DGKH: variants seen among roughly 807,000 people sequenced by gnomAD.
DGKH encodes diacylglycerol kinase eta, also known as DAG kinase eta.
Under a neutral mutation model 159.3 loss-of-function variants are expected in DGKH, and 90 were observed. The ratio of observed to expected loss-of-function variants is 0.57; its 90% CI spans 0.48 to 0.67. DGKH has a LOEUF of 0.67. Ranked by LOEUF, DGKH falls within the 30% of genes least tolerant of loss-of-function variation. DGKH has a pLI of 0.00. For synonymous variants in DGKH, 536 were observed against 553.8 expected (o/e 0.97, Z 0.45); for missense variants, 1,181 against 1,506.1 (o/e 0.78, Z 3.57).
At chr13:42,194,861 T>C (rs754678425) in intron 16 of DGKH, 24 bp from the exon 17 acceptor site, 1 of 1,603,060 alleles carries the variant, frequency 6.2e-7, no homozygotes, top group Non-Finnish European at 8.5e-7. Flanking sequence ...TTATCTCTTT[T>C]TAATCTGGAC....
chr13:42,154,550 C>T (rs542002475), intron 3 of DGKH, among the ~76,000 whole-genome samples: 4 of 152,066 alleles, frequency 2.6e-5, no homozygotes, highest in Admixed American at 1.3e-4. Flanking sequence ...AGATAAAAGT[C>T]GCAATTCTTT....
In DGKH at chr13:42,189,279, G is replaced by A. The variant is rs749253083; in HGVS notation, c.1882G>A (p.Val628Met). 6.2e-7 allele frequency: 1 copy of A among 1,614,238 alleles called. No homozygotes were observed. Among genetic ancestry groups the A allele is most frequent in the Non-Finnish European group, 8.5e-7 (1 of 1,180,026 alleles). Residue 628 changes from valine (V) to methionine (M), a missense_variant, in exon 15 of 30, where the codon GTG (valine) becomes ATG (methionine). Val to Met is a conservative substitution (Grantham distance 21). Around this residue, in one of 5 missense-constraint regions of DGKH, gnomAD observed 257 missense variants for 281.5 expected, o/e 0.91. Transcript: ENST00000337343. ...GCGGGCAAATAGTTTAAAGAAAGCA[G>A]TGAGGCAAGTCATTGAGGAAGCCGG... ...MLRANSLKKA[V>M]RQVIEEAGKV...
rs528811931 is a variant in DGKH at position 42,234,394 on chromosome 13, C to G, written c.*5206C>G. 6.6e-6 allele frequency: 1 copy of G among 152,294 alleles called. No homozygotes were observed. The highest frequency in any genetic ancestry group is 2.1e-4 in the South Asian group (1 of 4,826). The allele number at this position is 152,294 out of a possible 1,614,324, so 9.4% of individuals were successfully genotyped here. On this transcript the variant is annotated 3_prime_UTR_variant, in exon 30 of 30. Coordinates refer to ENST00000337343, the MANE Select transcript of DGKH (RefSeq NM_178009.5). ...ATACAGCACTTCTAAAGTAAAACATCTTCTATCTCCAACTGGGCTGTCAAC... is the reference window on the plus strand; with the variant it reads ...ATACAGCACTTCTAAAGTAAAACATGTTCTATCTCCAACTGGGCTGTCAAC...
At position 42,101,898 on chromosome 13, in the gene DGKH, G is replaced by A. The variant is rs146010251; in HGVS notation, c.193-25565G>A. On this transcript the variant is annotated intron_variant, in intron 1 of 29. Transcript: ENST00000337343. ...AAGAAGAGTGTGTAGGAAGAGGTAG[G>A]CATATTGGATGTCAGGAAAACAAGT... Among the ~76,000 whole-genome samples the A allele has an allele frequency of 6.8e-4, 103 of 152,208 alleles. No homozygotes were observed. In the East Asian group the frequency reaches 0.019, roughly 27 times the overall value.
At chr13:42,093,847 G>A (rs1423990758) in intron 1 of DGKH, among the ~76,000 whole-genome samples, 1 of 152,136 alleles carries the variant, frequency 6.6e-6, no homozygotes, top group Admixed American at 6.5e-5. Flanking sequence ...TAGTTGCCAG[G>A]GGCTGAGAAG....
At chr13:42,159,430 C>G in intron 6 of DGKH, 58 bp downstream of exon 6, 1 of 1,177,130 alleles carries the variant, frequency 8.5e-7, no homozygotes, top group Non-Finnish European at 1.3e-6. Context: ...ATGTTCTGCT[C>G]TTGTGGAAGC....
At chr13:42,177,469 T>C (rs1177679141) in intron 12 of DGKH, among the ~76,000 whole-genome samples, 1 of 152,224 alleles carries the variant, frequency 6.6e-6, no homozygotes, top group African/African-American at 2.4e-5. Flanking sequence ...AGTGCATGTC[T>C]TTTGGTGAAC....
chr13:42,219,199 T>C (rs1461325124), intron 26 of DGKH, 31 bp from the exon 27 acceptor site: 1 of 1,612,324 alleles, frequency 6.2e-7, no homozygotes, highest in Admixed American at 1.7e-5. Flanking sequence ...GAGTCTTGTT[T>C]TGTTTTGTCT....
At chr13:42,098,836 C>T (rs1323628648) in intron 1 of DGKH, among the ~76,000 whole-genome samples, 3 of 152,132 alleles carry the variant, frequency 2.0e-5, no homozygotes, top group East Asian at 1.9e-4. Flanking sequence ...TCAGCACTTC[C>T]GAATTACTCT....
downstream of DGKH, among the ~76,000 whole-genome samples, chr13:42,243,455 G>A (rs551203957): frequency 7.9e-5 from 12 of 152,240 alleles, no homozygotes; most frequent in South Asian, 1.7e-3. Context: ...AAAACCACTC[G>A]TTAAAAGTCC....
chr13:42,144,550 GGT>G lies in DGKH; in HGVS notation c.385-10739_385-10738del, dbSNP rs557872697. ...AAAAATACAAAAATGGGCAGGGCAT[GGT>G]GGCGCGTGCCTGTAATTCCAGCTAC... On this transcript the variant is annotated intron_variant, in intron 3 of 29. Coordinates refer to ENST00000337343, the MANE Select transcript of DGKH (RefSeq NM_178009.5). 1.8e-4 allele frequency among the ~76,000 whole-genome samples: 27 copies of G among 152,238 alleles called. No homozygotes were observed. In the South Asian group the frequency reaches 4.8e-3, roughly 27 times the overall value.
intron 29 of DGKH, among the ~76,000 whole-genome samples, chr13:42,223,373 A>G (rs1958035798): frequency 6.6e-6 from 1 of 152,180 alleles, no homozygotes; most frequent in Non-Finnish European, 1.5e-5. Context: ...TTTGGATTAT[A>G]GCACCAACCG....
chr13:42,113,843 G>A (rs1954914843), intron 1 of DGKH, among the ~76,000 whole-genome samples: 1 of 152,136 alleles, frequency 6.6e-6, no homozygotes, highest in African/African-American at 2.4e-5. Context: ...AAAAAGCAAT[G>A]TTATGATAGG....
downstream of DGKH, among the ~76,000 whole-genome samples, chr13:42,247,191 G>A (rs1958587330): frequency 6.9e-6 from 1 of 145,462 alleles, no homozygotes; most frequent in African/African-American, 2.5e-5. Flanking sequence ...CAATGAATAT[G>A]TTACTGATTG....
At chr13:42,214,664 C>A in intron 25 of DGKH, 52 bp downstream of exon 25, 1 of 1,576,172 alleles carries the variant, frequency 6.3e-7, no homozygotes, top group Non-Finnish European at 8.7e-7. Flanking sequence ...GGGTGTTACA[C>A]ATGTATTTTA....
rs879713792 is a variant in DGKH, at chr13:42,149,414, TCCACTGAAATTA to T, written c.385-5876_385-5865del. Among the ~76,000 whole-genome samples the T allele has an allele frequency of 6.5e-3, 988 of 152,328 alleles. 10 individuals carry two copies. Among genetic ancestry groups the T allele is most frequent in the South Asian group, 0.015 (72 of 4,826 alleles). On this transcript the variant is annotated intron_variant, in intron 3 of 29. Transcript: ENST00000337343. Reference sequence around the variant, plus strand: ...GGTTTAGAAGATGACAGGAACCTACTCCACTGAAATTAGTTTCACTTATCTGTGTTTCCCCAT... The same window carrying T: ...GGTTTAGAAGATGACAGGAACCTACTGTTTCACTTATCTGTGTTTCCCCAT...
intron 1 of DGKH, chr13:42,069,227 T>C (rs1882793806): frequency 1.7e-6 from 2 of 1,170,924 alleles, no homozygotes; most frequent in Admixed American, 4.4e-5. Context: ...CTAGTGTGTT[T>C]TCCTTCTTAA....
chr13:42,156,328 A>G (rs1019145933), intron 5 of DGKH, among the ~76,000 whole-genome samples: 1 of 152,038 alleles, frequency 6.6e-6, no homozygotes, highest in African/African-American at 2.4e-5. Context: ...CTGCAGCCTC[A>G]GCCTCCTGGG....
chr13:42,087,078 CACACA>C, intron 1 of DGKH, among the ~76,000 whole-genome samples: 1 of 150,410 alleles, frequency 6.6e-6, no homozygotes, highest in Non-Finnish European at 1.5e-5. Context: ...CACACACACA[CACACA>C]CCTCAGAACA....
Sources: allele counts gnomAD v4.1 joint callset (sites outside exome capture counted in the v4.1 genomes callset), GRCh38; gene constraint gnomAD v4.1.1; regional missense constraint gnomAD v4.1.1; transcripts MANE v1.5; gene names NCBI Gene and HGNC (gene_info 2026-07-23, HGNC 2026-07-21).